ZNF546: variants seen among roughly 807,000 people sequenced by gnomAD.
The protein encoded by ZNF546 is zinc finger protein 546, also known as CTC-471F3.6.
A neutral mutation model predicts 76.2 loss-of-function variants in ZNF546; 60 were observed. The ratio of observed to expected loss-of-function variants is 0.79; its 90% CI spans 0.64 to 0.98. ZNF546 has a LOEUF of 0.98. Ranked by LOEUF, ZNF546 falls within the 50% of genes least tolerant of loss-of-function variation. The pLI is 0.00. For missense variants in ZNF546, 936 were observed against 1,035.6 expected, an observed-to-expected ratio of 0.90 and a Z score of 1.32; for synonymous variants, 277 against 328.1, an observed-to-expected ratio of 0.84 and a Z score of 1.68.
intron 3 of ZNF546, among the ~76,000 whole-genome samples, chr19:40,004,007 A>G (rs1331889636): frequency 7.7e-6 from 1 of 129,218 alleles, no homozygotes; most frequent in East Asian, 2.1e-4. Context: ...GTGAGACTCT[A>G]TCTCAAAAAA....
chr19:40,020,575 G>T lies in ZNF546; in HGVS notation c.*4794G>T, dbSNP rs1289724524. On this transcript the variant is annotated 3_prime_UTR_variant, in exon 7 of 7. Transcript: ENST00000347077. ...GTTTGTGGGCACACAGCCTTGTGAA[G>T]TTTTGAATACTAAATCCCTTTTTTA... The T allele has an allele frequency of 1.3e-5, 2 of 152,090 alleles. No individual in the cohort carries two copies. Among genetic ancestry groups the T allele is most frequent in the Non-Finnish European group, 2.9e-5 (2 of 67,984 alleles). 9.4% of individuals were successfully genotyped at this position (152,090 alleles called of 1,614,324 possible).
At chr19:40,009,606 T>C (rs1375912249) in intron 6 of ZNF546, among the ~76,000 whole-genome samples, 1 of 152,138 alleles carries the variant, frequency 6.6e-6, no homozygotes, top group Non-Finnish European at 1.5e-5. Flanking sequence ...ATCAAAATAA[T>C]AAACATATCC....
chr19:39,999,571 T>C (rs1449675229), intron 3 of ZNF546: 1 of 149,654 alleles, frequency 6.7e-6, no homozygotes, highest in African/African-American at 2.6e-5. Context: ...GGAGCTATAT[T>C]TTAGCAAGAT....
At chr19:40,002,009 A>G (rs1971537069) in intron 3 of ZNF546, among the ~76,000 whole-genome samples, 2 of 152,230 alleles carry the variant, frequency 1.3e-5, no homozygotes, top group African/African-American at 4.8e-5. Flanking sequence ...ACTGAAAAGT[A>G]TGTAGCTGTC....
intron 3 of ZNF546, among the ~76,000 whole-genome samples, chr19:40,004,073 A>ATATATAT (rs1568384569): frequency 7.8e-6 from 1 of 127,546 alleles, no homozygotes; most frequent in African/African-American, 4.0e-5. Flanking sequence ...TAATATATAA[A>ATATATAT]TATATATATA....
intron 4 of ZNF546, 98 bp from the exon 5 acceptor site, chr19:40,007,176 A>C (rs1599741255): frequency 2.3e-6 from 2 of 881,180 alleles, no homozygotes; most frequent in Non-Finnish European, 3.2e-6. Flanking sequence ...CTTGAGCCCC[A>C]GTTTATTTGC....
At position 40,014,621 on chromosome 19, in the gene ZNF546, C is replaced by T. The variant is rs199775611; in HGVS notation, c.1351C>T (p.Arg451Cys). 2.4e-5 allele frequency: 39 copies of T among 1,610,908 alleles called. No individual in the cohort carries two copies. The highest frequency in any genetic ancestry group is 5.4e-5 in the African/African-American group (4 of 74,152). Residue 451 changes from arginine to cysteine, a missense_variant, in exon 7 of 7, where the codon CGT becomes TGT. Physicochemically the swap from Arg to Cys is radical, Grantham distance 180. Transcript: ENST00000347077. ...YECRECGKAF[R>C]LQTELTRHHR... Reference sequence around the variant, plus strand: ...ATGTAGAGAATGTGGAAAAGCCTTTCGTCTTCAAACGGAACTTACTCGGCA... The same window carrying T: ...ATGTAGAGAATGTGGAAAAGCCTTTTGTCTTCAAACGGAACTTACTCGGCA...
intron 6 of ZNF546, among the ~76,000 whole-genome samples, chr19:40,012,325 T>C (rs532464854): frequency 6.6e-6 from 1 of 152,372 alleles, no homozygotes; most frequent in South Asian, 2.1e-4. Context: ...TGAGCAATTT[T>C]GGATGTATCT....
rs1971848506 is a variant in ZNF546 at position 40,021,009 on chromosome 19, A to G, written c.*5228A>G. 1 of 152,194 alleles carries G rather than the reference A, an allele frequency of 6.6e-6. No individual in the cohort carries two copies. Among genetic ancestry groups the G allele is most frequent in the Admixed American group, 6.5e-5 (1 of 15,282 alleles). 9.4% of individuals were successfully genotyped at this position (152,194 alleles called of 1,614,324 possible). On this transcript the variant is annotated 3_prime_UTR_variant, in exon 7 of 7. Coordinates refer to ENST00000347077, the MANE Select transcript of ZNF546 (RefSeq NM_178544.5). ...TTTTAACAGGTTTTCACTATTTCAA[A>G]TATACTTCAATAAATATCCTTGTCT...
Position 40,015,026 on chromosome 19 carries a change from T to C in ZNF546, c.1756T>C (p.Cys586Arg). 6 of 1,614,136 alleles carry C rather than the reference T, an allele frequency of 3.7e-6. No homozygotes were observed. Among genetic ancestry groups the C allele is most frequent in the Middle Eastern group, 3.3e-4 (2 of 6,062 alleles). ...TSESTYICKE[C>R]GKIFSRRYNL... ...TGAGAGCACCTACATATGTAAAGAA[T>C]GTGGGAAGATTTTTAGTCGTCGCTA... Residue 586 changes from cysteine to arginine, a missense_variant, in exon 7 of 7, where the codon TGT becomes CGT. Transcript: ENST00000347077.
At position 40,015,575 on chromosome 19, in the gene ZNF546, A is replaced by G. The variant is rs1206722529; in HGVS notation, c.2305A>G (p.Ile769Val). ...RLQAELTRHH[I>V]VHTGEKPYKC... ...TCAAGCAGAACTTACTCGACATCAC[A>G]TAGTTCACACGGGTGAGAAACCCTA... Residue 769 changes from isoleucine (I) to valine (V), a missense_variant, in exon 7 of 7, where the codon ATA becomes GTA. Ile to Val is a conservative substitution (Grantham distance 29). Coordinates refer to ENST00000347077, the MANE Select transcript of ZNF546 (RefSeq NM_178544.5). 4 of 1,614,118 alleles carry G rather than the reference A, an allele frequency of 2.5e-6. No individual in the cohort carries two copies. The highest frequency in any genetic ancestry group is 4.5e-5 in the East Asian group (2 of 44,854).
In ZNF546 at chr19:40,014,351, G is replaced by A; in HGVS notation, c.1081G>A (p.Val361Ile). Residue 361 changes from valine to isoleucine, a missense_variant, in exon 7 of 7, where the codon GTT (valine) becomes ATT (isoleucine). By Grantham distance (29) the Val-to-Ile change is conservative (BLOSUM62 3). Transcript: ENST00000347077. The stretch of plus-strand genomic sequence containing the variant: ...TGGTGAGAGGCCTTATGAATGTAAG[G>A]TTTGTGGCAAGACCTTTAGGGTACA... ...HTGERPYECKVCGKTFRVQRH... is the reference protein window; with the variant it reads ...HTGERPYECKICGKTFRVQRH... The A allele has an allele frequency of 1.2e-6, 2 of 1,614,006 alleles. No individual in the cohort carries two copies. Among genetic ancestry groups the A allele is most frequent in the South Asian group, 1.1e-5 (1 of 91,074 alleles).
In ZNF546 at chr19:40,007,311, C is replaced by T. The variant is rs1384307731; in HGVS notation, c.209C>T (p.Ser70Phe). ...LAFRDVSIDL[S>F]QEEWECLDAV... ...TTTAGGGATGTGTCCATAGACCTCT[C>T]CCAAGAGGAGTGGGAGTGCCTGGAC... is the stretch of plus-strand genomic sequence containing the variant. Residue 70 changes from serine (S) to phenylalanine (F), a missense_variant, in exon 5 of 7, where the codon TCC becomes TTC. Coordinates refer to ENST00000347077, the MANE Select transcript of ZNF546 (RefSeq NM_178544.5). 6.2e-7 allele frequency: 1 copy of T among 1,604,148 alleles called. No individual in the cohort carries two copies. Among genetic ancestry groups the T allele is most frequent in the Admixed American group, 1.7e-5 (1 of 59,472 alleles).
chr19:40,017,540 T>C lies in ZNF546; in HGVS notation c.*1759T>C, dbSNP rs1026690453. 1.3e-5 allele frequency: 2 copies of C among 152,262 alleles called. No individual in the cohort carries two copies. The highest frequency in any genetic ancestry group is 2.9e-5 in the Non-Finnish European group (2 of 68,034). 9.4% of individuals were successfully genotyped at this position (152,262 alleles called of 1,614,324 possible). On this transcript the variant is annotated 3_prime_UTR_variant, in exon 7 of 7. Transcript: ENST00000347077. ...AGAATAAAGGCTGCCTCCTACTTAA[T>C]TGCTATATAACAATTGTCCAACCTG...
rs774063665 is a variant in ZNF546 at position 40,014,916 on chromosome 19, G to A, written c.1646G>A (p.Cys549Tyr). The change falls in exon 7 of 7, where the codon TGT becomes TAT. Residue 549 changes from cysteine to tyrosine, a missense_variant. Cys to Tyr is a radical substitution (Grantham distance 194, BLOSUM62 -2). Transcript: ENST00000347077. ...ACCCGACATCACAGAATTCATACAT[G>A]TGAGAAACCCTATGAATGTAAGGAA... is the stretch of plus-strand genomic sequence containing the variant. The part of the protein sequence containing the change: ...ELTRHHRIHT[C>Y]EKPYECKECG... 7 of 1,614,056 alleles carry A rather than the reference G, an allele frequency of 4.3e-6. No individual in the cohort carries two copies. The South Asian group carries it at 4.4e-5, about 10-fold the overall frequency.
intron 3 of ZNF546, among the ~76,000 whole-genome samples, 168 bp from the exon 4 acceptor site, chr19:40,005,928 G>T (rs1441391510): frequency 1.3e-5 from 2 of 152,204 alleles, no homozygotes; most frequent in Non-Finnish European, 2.9e-5. Flanking sequence ...CCGTGGGCAT[G>T]AATTTACACC....
Position 40,020,537 on chromosome 19 carries a change from A to G in ZNF546, c.*4756A>G, listed in dbSNP as rs1425253227. 1.3e-5 allele frequency: 2 copies of G among 152,218 alleles called. No individual in the cohort carries two copies. Among genetic ancestry groups the G allele is most frequent in the East Asian group, 3.8e-4 (2 of 5,204 alleles). The allele number at this position is 152,218 out of a possible 1,614,324, so 9.4% of individuals were successfully genotyped here. Reference sequence around the variant, plus strand: ...TCTGGGAACAGTAGTACTTAATGGCAACTTGAGAATTGGTTTGTGGGCACA... The same window carrying G: ...TCTGGGAACAGTAGTACTTAATGGCGACTTGAGAATTGGTTTGTGGGCACA... On this transcript the variant is annotated 3_prime_UTR_variant, in exon 7 of 7. Coordinates refer to ENST00000347077, the MANE Select transcript of ZNF546 (RefSeq NM_178544.5).
At chr19:40,010,746 G>A (rs1027233048) in intron 6 of ZNF546, among the ~76,000 whole-genome samples, 1 of 151,564 alleles carries the variant, frequency 6.6e-6, no homozygotes, top group Non-Finnish European at 1.5e-5. Flanking sequence ...GCAGTGGTGC[G>A]ACCTCGGCTC....
rs1049452363 is a variant in ZNF546, at chr19:40,018,951, T to C, written c.*3170T>C. The C allele has an allele frequency of 2.0e-5, 3 of 152,206 alleles. No individual in the cohort carries two copies. The highest frequency in any genetic ancestry group is 4.4e-5 in the Non-Finnish European group (3 of 68,038). 9.4% of individuals were successfully genotyped at this position (152,206 alleles called of 1,614,324 possible). The stretch of plus-strand genomic sequence containing the variant: ...TATGGCCTGTTTTAAGCCACTAAGT[T>C]TTGGAGTAGTTTGCCACACAGCGAT... On this transcript the variant is annotated 3_prime_UTR_variant, in exon 7 of 7. Coordinates refer to ENST00000347077, the MANE Select transcript of ZNF546 (RefSeq NM_178544.5).
Sources: gnomAD v4.1 joint callset for allele counts (sites outside exome capture counted in the v4.1 genomes callset) on GRCh38, gnomAD v4.1.1 for gene constraint, MANE v1.5 for transcripts, NCBI Gene and HGNC (gene_info 2026-07-23, HGNC 2026-07-21) for gene names.